The following JAK1 variants were observed in gnomAD, a reference collection of about 807,000 sequenced individuals.
JAK1 encodes Janus kinase 1, also known as tyrosine-protein kinase JAK1.
In JAK1, 16 loss-of-function variants were observed where a neutral mutation model predicts 136.6. The observed-to-expected ratio is 0.12, with a 90% confidence interval of 0.08 to 0.18. The LOEUF is 0.18. Among genes scored for constraint, JAK1 ranks in the 10% least tolerant of loss-of-function variants. JAK1 has a pLI of 1.00. For missense variants in JAK1, 859 were observed against 1,450.1 expected (o/e 0.59, Z 6.62); for synonymous variants, 492 against 519.5 (o/e 0.95, Z 0.72).
At chr1:64,983,603 A>G (rs1352067194) in intron 2 of JAK1, among the ~76,000 whole-genome samples, 2 of 152,198 alleles carry the variant, frequency 1.3e-5, no homozygotes, top group Non-Finnish European at 2.9e-5. Flanking sequence ...TGGCTCTACC[A>G]CCAGATGGGT....
intron 13 of JAK1, 128 bp downstream of exon 13, chr1:64,847,404 T>G: frequency 1.8e-6 from 2 of 1,124,868 alleles, no homozygotes; most frequent in Non-Finnish European, 2.6e-6. Flanking sequence ...AGAAAAAAAT[T>G]CTGAGTAAAA....
At chr1:64,986,901 T>C (rs11208563) in intron 2 of JAK1, among the ~76,000 whole-genome samples, 17,615 of 151,978 alleles carry the variant, frequency 0.12, 1,833 homozygotes, top group African/African-American at 0.27. Context: ...AAAAAAAATA[T>C]AAAGCACTTA....
upstream of JAK1, among the ~76,000 whole-genome samples, chr1:64,968,974 G>C (rs1646426002): frequency 6.6e-6 from 1 of 150,420 alleles, no homozygotes; most frequent in African/African-American, 2.4e-5. Context: ...GCTGGGCATG[G>C]TGGCACATGC....
At chr1:64,880,862 G>A (rs754035191) in intron 3 of JAK1, among the ~76,000 whole-genome samples, 1 of 152,004 alleles carries the variant, frequency 6.6e-6, no homozygotes. Context: ...CAGGAGAATC[G>A]CTTGAACCTG....
Position 64,890,542 on chromosome 1 carries a change from T to C in JAK1, c.-77-4201A>G, listed in dbSNP as rs537540357. 4.6e-5 allele frequency among the ~76,000 whole-genome samples: 7 copies of C among 152,236 alleles called. No individual in the cohort carries two copies. In the South Asian group the frequency reaches 1.2e-3, roughly 27 times the overall value. Reference sequence around the variant, plus strand: ...ATTAAAAATATCTTTCAGTGAGAAGTTGAGGCAGGAGAACTGCTTAAGCCC... The same window carrying C: ...ATTAAAAATATCTTTCAGTGAGAAGCTGAGGCAGGAGAACTGCTTAAGCCC... On this transcript the variant is annotated intron_variant, in intron 1 of 24. Transcript: ENST00000342505.
intron 1 of JAK1, among the ~76,000 whole-genome samples, chr1:64,917,197 C>G (rs1421825067): frequency 6.6e-6 from 1 of 152,068 alleles, no homozygotes; most frequent in African/African-American, 2.4e-5. Flanking sequence ...TATTCTCAGG[C>G]TTTTTAACAG....
At chr1:64,963,593 T>A (rs909939713) in intron 1 of JAK1, among the ~76,000 whole-genome samples, 9 of 152,214 alleles carry the variant, frequency 5.9e-5, no homozygotes, top group African/African-American at 2.2e-4. Flanking sequence ...AATGATTCAC[T>A]TATGAAAAAT....
At chr1:65,020,577 T>C (rs1430014971) in intron 2 of JAK1, among the ~76,000 whole-genome samples, 1 of 152,254 alleles carries the variant, frequency 6.6e-6, no homozygotes, top group East Asian at 1.9e-4. Context: ...ATATGCTTTA[T>C]GCACTTTTCT....
At chr1:64,840,833 G>A (rs540486412) in intron 19 of JAK1, among the ~76,000 whole-genome samples, 19 of 152,036 alleles carry the variant, frequency 1.2e-4, no homozygotes, top group Admixed American at 9.2e-4. Flanking sequence ...CCTGTCTCTC[G>A]GGGGCAAAAG....
chr1:64,942,727 G>A (rs940992277), intron 1 of JAK1, among the ~76,000 whole-genome samples: 9 of 152,100 alleles, frequency 5.9e-5, no homozygotes, highest in African/African-American at 1.9e-4. Context: ...AGGTGTAATC[G>A]TAGATAACAT....
chr1:64,909,189 T>TAATGGTG (rs1306398749), intron 1 of JAK1, among the ~76,000 whole-genome samples: 1 of 152,202 alleles, frequency 6.6e-6, no homozygotes, highest in Admixed American at 6.5e-5. Flanking sequence ...GCTTGGTATT[T>TAATGGTG]AATGGTGTAT....
chr1:64,976,665 C>G (rs1646499918), intron 2 of JAK1, among the ~76,000 whole-genome samples: 1 of 152,198 alleles, frequency 6.6e-6, no homozygotes, highest in African/African-American at 2.4e-5. Flanking sequence ...TCTTAATGGT[C>G]TTAGTGAATA....
chr1:64,894,506 C>G (rs906857265), intron 1 of JAK1, among the ~76,000 whole-genome samples: 4 of 152,198 alleles, frequency 2.6e-5, no homozygotes, highest in Non-Finnish European at 5.9e-5. Flanking sequence ...CGCCTGTAAT[C>G]CCAGCACTTT....
chr1:65,014,572 G>A (rs1469787168), intron 2 of JAK1, among the ~76,000 whole-genome samples: 1 of 152,080 alleles, frequency 6.6e-6, no homozygotes, highest in African/African-American at 2.4e-5. Context: ...ATTATCAAAG[G>A]AATGGCAGTG....
intron 2 of JAK1, among the ~76,000 whole-genome samples, chr1:65,004,625 T>C (rs897423514): frequency 1.3e-5 from 2 of 149,058 alleles, no homozygotes; most frequent in African/African-American, 5.0e-5. Context: ...GAACCAAAAT[T>C]GCAAAACAAG....
At chr1:65,055,544 C>T (rs531074888) in intron 1 of JAK1, among the ~76,000 whole-genome samples, 71 of 152,204 alleles carry the variant, frequency 4.7e-4, no homozygotes, top group African/African-American at 1.6e-3. Flanking sequence ...ATACGGTATT[C>T]CTAGGTTTAA....
intron 1 of JAK1, among the ~76,000 whole-genome samples, chr1:64,889,784 A>T (rs1041847618): frequency 1.3e-5 from 2 of 152,254 alleles, no homozygotes; most frequent in African/African-American, 2.4e-5. Flanking sequence ...CAAGGGAAGA[A>T]CACACATTTT....
chr1:64,976,837 C>T (rs947879287), intron 2 of JAK1, among the ~76,000 whole-genome samples: 3 of 152,152 alleles, frequency 2.0e-5, no homozygotes, highest in Non-Finnish European at 4.4e-5. Context: ...TTAACAACCA[C>T]CTTTTCCAGG....
chr1:65,038,614 TC>T (rs763637089), intron 2 of JAK1, among the ~76,000 whole-genome samples: 8 of 152,232 alleles, frequency 5.3e-5, no homozygotes, highest in Non-Finnish European at 1.2e-4. Flanking sequence ...AACTTTTATG[TC>T]AAACCTCCCC....
Sources: gnomAD v4.1 joint callset for allele counts (sites outside exome capture counted in the v4.1 genomes callset) on GRCh38, gnomAD v4.1.1 for gene constraint, MANE v1.5 for transcripts, NCBI Gene and HGNC (gene_info 2026-07-23, HGNC 2026-07-21) for gene names.